PRKX: variants seen among roughly 807,000 people sequenced by gnomAD.
The protein encoded by PRKX is protein kinase cAMP-dependent X-linked catalytic subunit.
In PRKX, 12 loss-of-function variants were observed where a neutral mutation model predicts 22.0. That is an observed-to-expected ratio of 0.54 (90% confidence interval 0.35 to 0.88). PRKX has a LOEUF of 0.88. Ranked by LOEUF, PRKX falls within the 40% of genes least tolerant of loss-of-function variation. The pLI, the probability that PRKX is intolerant of heterozygous loss-of-function variation, is 0.01. For synonymous variants in PRKX, 134 were observed against 137.7 expected (o/e 0.97, Z 0.19); for missense variants, 217 against 308.0 (o/e 0.70, Z 2.21).
intron 1 of PRKX, 147 bp downstream of exon 1, chrX:3,712,941 G>T (rs1928822298): frequency 8.6e-6 from 6 of 697,656 alleles, no homozygotes; most frequent in Non-Finnish European, 1.2e-5. Flanking sequence ...CCGGGGCGCA[G>T]GTGCAGCCCC....
At chrX:3,627,392 T>TA (rs35645553) in intron 4 of PRKX, among the ~76,000 whole-genome samples, 1,560 of 49,274 alleles carry the variant, frequency 0.032, 26 homozygotes, top group African/African-American at 0.069. Context: ...CAAAAAAAAT[T>TA]AAAAAAAAAA....
At chrX:3,658,665 G>A (rs774653827) in intron 2 of PRKX, among the ~76,000 whole-genome samples, 2 of 110,943 alleles carry the variant, frequency 1.8e-5, no homozygotes, top group South Asian at 7.8e-4. Flanking sequence ...TTCACCAGTA[G>A]AAGACACCCA....
chrX:3,607,512 A>AT lies in PRKX; in HGVS notation c.*1456dup, dbSNP rs1569228097. 1 of 111,356 alleles carries AT rather than the reference A, an allele frequency of 9.0e-6. No individual in the cohort carries two copies. The highest frequency in any genetic ancestry group is 2.8e-4 in the East Asian group (1 of 3,580). The allele number at this position is 111,356 out of a possible 1,213,427, so 9.2% of individuals were successfully genotyped here. ...ATAGAGTTGTCTAAAACATTTCCAC[A>AT]TTTCACCATCTGAACATCATTTTCC... is the stretch of plus-strand genomic sequence containing the variant. On this transcript the variant is annotated 3_prime_UTR_variant, in exon 9 of 9. Coordinates refer to ENST00000262848, the MANE Select transcript of PRKX (RefSeq NM_005044.5).
intron 5 of PRKX, among the ~76,000 whole-genome samples, chrX:3,623,961 C>T (rs746338635): frequency 8.9e-5 from 10 of 111,957 alleles, no homozygotes; most frequent in Non-Finnish European, 1.5e-4. Flanking sequence ...GACATGTTTA[C>T]CTGGTCAAAT....
chrX:3,624,291 G>A (rs929517927), intron 5 of PRKX, among the ~76,000 whole-genome samples: 32 of 111,655 alleles, frequency 2.9e-4, no homozygotes, highest in African/African-American at 8.1e-4. Context: ...GAAGTGAACT[G>A]TCAGTTCACT....
rs948224828 is a variant in PRKX at position 3,605,742 on chromosome X, A to G, written c.*3227T>C. 3 of 112,222 alleles carry G rather than the reference A, an allele frequency of 2.7e-5. No homozygotes were observed. The highest frequency in any genetic ancestry group is 5.6e-5 in the Non-Finnish European group (3 of 53,267). The allele number at this position is 112,222 out of a possible 1,213,427, so 9.2% of individuals were successfully genotyped here. A position where few individuals can be genotyped will look rare whatever the true frequency, so the allele number is the denominator to read the frequency against. Reference sequence around the variant, plus strand: ...AACGCTGAATGGGAAATTCAGTAACAAGTGATTGTGCAGTTGTTTGATGGG... The same window carrying G: ...AACGCTGAATGGGAAATTCAGTAACGAGTGATTGTGCAGTTGTTTGATGGG... On this transcript the variant is annotated 3_prime_UTR_variant, in exon 9 of 9. Coordinates refer to ENST00000262848, the MANE Select transcript of PRKX (RefSeq NM_005044.5).
At chrX:3,647,447 TAATA>T (rs1392638973) in intron 3 of PRKX, among the ~76,000 whole-genome samples, 5 of 105,887 alleles carry the variant, frequency 4.7e-5, no homozygotes, top group African/African-American at 1.7e-4. Flanking sequence ...ATTACATATT[TAATA>T]TATAATTATA....
At chrX:3,670,693 C>T (rs1232594765) in intron 2 of PRKX, among the ~76,000 whole-genome samples, 1 of 110,735 alleles carries the variant, frequency 9.0e-6, no homozygotes, top group Non-Finnish European at 1.9e-5. Context: ...CTACAGGCCC[C>T]CCCACCACAC....
intron 3 of PRKX, among the ~76,000 whole-genome samples, chrX:3,646,240 C>T (rs187100402): frequency 9.9e-5 from 11 of 110,979 alleles, no homozygotes; most frequent in Non-Finnish European, 1.9e-4. Flanking sequence ...TGCAGTGAGC[C>T]GAGATCGCAC....
intron 5 of PRKX, among the ~76,000 whole-genome samples, chrX:3,623,926 A>G (rs781163199): frequency 6.2e-5 from 7 of 112,099 alleles, no homozygotes; most frequent in Non-Finnish European, 1.3e-4. Context: ...AGGAATGTCA[A>G]TCCTGATGTG....
intron 6 of PRKX, among the ~76,000 whole-genome samples, chrX:3,620,165 C>G (rs1389367472): frequency 2.7e-5 from 3 of 111,526 alleles, no homozygotes; most frequent in Non-Finnish European, 5.6e-5. Context: ...TCACAAAAGC[C>G]AAAAGGTGGA....
At chrX:3,648,511 G>A (rs185778614) in intron 3 of PRKX, among the ~76,000 whole-genome samples, 7 of 108,427 alleles carry the variant, frequency 6.5e-5, no homozygotes, top group African/African-American at 2.0e-4. Flanking sequence ...AAACAAATGG[G>A]CAAAGAGAAA....
intron 1 of PRKX, 137 bp downstream of exon 1, chrX:3,712,951 C>G (rs1387628702): frequency 3.9e-6 from 3 of 768,362 alleles, no homozygotes; most frequent in African/African-American, 4.5e-5. Flanking sequence ...GGTGCAGCCC[C>G]GCACGGGGAC....
intron 1 of PRKX, 85 bp downstream of exon 1, chrX:3,713,003 G>A (rs1928823953): frequency 2.9e-6 from 3 of 1,032,491 alleles, no homozygotes; most frequent in Non-Finnish European, 3.8e-6. Context: ...CCAGGAGGTC[G>A]GCACCCAGGG....
intron 3 of PRKX, among the ~76,000 whole-genome samples, chrX:3,647,307 A>G (rs1222702694): frequency 9.3e-6 from 1 of 107,007 alleles, no homozygotes; most frequent in African/African-American, 3.3e-5. Flanking sequence ...ATAATTTATG[A>G]GCACATATAA....
chrX:3,629,200 A>G lies in PRKX; in HGVS notation c.720-2686T>C, dbSNP rs762431736. 4.5e-5 allele frequency among the ~76,000 whole-genome samples: 5 copies of G among 111,248 alleles called. No homozygotes were observed. The South Asian group carries it at 1.1e-3, about 25-fold the overall frequency. On this transcript the variant is annotated intron_variant, in intron 4 of 8. Transcript: ENST00000262848. ...CCGGTACTGAGCCTGCTTGCACGGC[A>G]CTATAAGGCATCCTCAATAAACTGC... is the stretch of plus-strand genomic sequence containing the variant.
At chrX:3,637,684 C>T (rs1926920848) in intron 4 of PRKX, among the ~76,000 whole-genome samples, 1 of 111,916 alleles carries the variant, frequency 8.9e-6, no homozygotes, top group Admixed American at 9.5e-5. Context: ...AGCTCCCTGC[C>T]TCATGAAATG....
rs187031943 is a variant in PRKX, at chrX:3,660,946, G to C, written c.336-5534C>G. ...GGAGAGGAGGAGAGAAAGCAGGGGA[G>C]AAAAAGTTACTGCACGAGTGGGGAA... is the stretch of plus-strand genomic sequence containing the variant. On this transcript the variant is annotated intron_variant, in intron 2 of 8. Coordinates refer to ENST00000262848, the MANE Select transcript of PRKX (RefSeq NM_005044.5). 5.4e-3 allele frequency among the ~76,000 whole-genome samples: 587 copies of C among 109,606 alleles called. 5 individuals are homozygous for C. Among genetic ancestry groups the C allele is most frequent in the African/African-American group, 0.019 (563 of 30,116 alleles).
intron 4 of PRKX, among the ~76,000 whole-genome samples, chrX:3,639,573 T>A (rs1218634010): frequency 1.5e-5 from 1 of 67,709 alleles, no homozygotes; most frequent in African/African-American, 5.8e-5. Context: ...GGTTGGGGGG[T>A]AGGTGGGTGG....
Sources: allele counts gnomAD v4.1 joint callset (sites outside exome capture counted in the v4.1 genomes callset), GRCh38; gene constraint gnomAD v4.1.1; transcripts MANE v1.5; gene names NCBI Gene and HGNC (gene_info 2026-07-23, HGNC 2026-07-21).